Variants in EDIL3 observed in about 807,000 individuals in gnomAD.
The protein encoded by EDIL3 is EGF like and discoidin domains 3.
In EDIL3, 37 loss-of-function variants were observed where a neutral mutation model predicts 67.4. That is an observed-to-expected ratio of 0.55 (90% CI 0.42 to 0.72). The LOEUF (loss-of-function observed/expected upper bound fraction) is 0.72, where lower values mean the gene tolerates loss of function less well. Ranked by LOEUF, EDIL3 falls within the 30% of genes least tolerant of loss-of-function variation. The pLI is 0.00. For synonymous variants in EDIL3, 195 were observed against 196.3 expected (o/e 0.99, Z 0.05); for missense variants, 527 against 586.3 (o/e 0.90, Z 1.04).
intron 6 of EDIL3, among the ~76,000 whole-genome samples, chr5:84,082,109 T>C (rs902523336): frequency 8.5e-5 from 13 of 152,262 alleles, no homozygotes; most frequent in African/African-American, 3.1e-4. Flanking sequence ...TTATGGCCCC[T>C]GATTTTTCTT....
At chr5:84,100,893 T>C (rs2112277473) in intron 6 of EDIL3, among the ~76,000 whole-genome samples, 1 of 152,214 alleles carries the variant, frequency 6.6e-6, no homozygotes, top group African/African-American at 2.4e-5. Context: ...AATTGTTAAA[T>C]ATATTATTAC....
rs374194490 is a variant in EDIL3, at chr5:84,303,848, G to T, written c.68-49636C>A. 8.9e-3 allele frequency among the ~76,000 whole-genome samples: 1,100 copies of T among 123,532 alleles called. 4 individuals carry two copies. Among genetic ancestry groups the T allele is most frequent in the Non-Finnish European group, 0.014 (781 of 56,160 alleles). The allele number at this position is 123,532 out of a possible 152,430, so 81.0% of individuals were successfully genotyped here. A position where few individuals can be genotyped will look rare whatever the true frequency, so the allele number is the denominator to read the frequency against. The stretch of plus-strand genomic sequence containing the variant: ...TGTGTGTGTGTGTGTGTGTGTGTGT[G>T]TTTGTGTGTGTGTGTGTGTGCATGC... On this transcript the variant is annotated intron_variant, in intron 1 of 10. Transcript: ENST00000296591.
At chr5:84,117,020 A>ACTTT in intron 5 of EDIL3, among the ~76,000 whole-genome samples, 1 of 83,236 alleles carries the variant, frequency 1.2e-5, no homozygotes, top group East Asian at 4.3e-4. Flanking sequence ...TTAAGTACTT[A>ACTTT]TTTTTTTTTT....
chr5:84,262,238 C>A (rs1002784552), intron 1 of EDIL3, among the ~76,000 whole-genome samples: 3 of 152,238 alleles, frequency 2.0e-5, no homozygotes, highest in African/African-American at 7.2e-5. Flanking sequence ...AAATCAGAAT[C>A]TCTGGGGATG....
intron 9 of EDIL3, among the ~76,000 whole-genome samples, chr5:84,047,394 A>G (rs2112220338): frequency 6.6e-6 from 1 of 152,278 alleles, no homozygotes; most frequent in East Asian, 1.9e-4. Flanking sequence ...TAAATGACTC[A>G]AAATTAGAAG....
intron 1 of EDIL3, among the ~76,000 whole-genome samples, chr5:84,290,414 T>C (rs1745890966): frequency 6.6e-6 from 1 of 152,166 alleles, no homozygotes; most frequent in South Asian, 2.1e-4. Context: ...GGAAATTCCA[T>C]CTAGACATAC....
chr5:83,979,953 GT>G (rs937100454), intron 9 of EDIL3, among the ~76,000 whole-genome samples: 1 of 152,104 alleles, frequency 6.6e-6, no homozygotes. Context: ...TGACATCAAT[GT>G]CTTGTAGGGC....
At chr5:84,081,374 C>T (rs1046003851) in intron 6 of EDIL3, among the ~76,000 whole-genome samples, 23 of 151,870 alleles carry the variant, frequency 1.5e-4, no homozygotes, top group African/African-American at 5.3e-4. Context: ...AAGGTAGTCT[C>T]GAACTCTTGT....
At position 84,129,496 on chromosome 5, in the gene EDIL3, G is replaced by C. The variant is rs149238876; in HGVS notation, c.469+7745C>G. 1.5e-3 allele frequency among the ~76,000 whole-genome samples: 230 copies of C among 151,914 alleles called. 6 individuals carry two copies. In the East Asian group the frequency reaches 0.035, roughly 23 times the overall value. On this transcript the variant is annotated intron_variant, in intron 5 of 10. Coordinates refer to ENST00000296591, the MANE Select transcript of EDIL3 (RefSeq NM_005711.5). Reference sequence around the variant, plus strand: ...TATTTATTTTTAATGTTCACAAAAGGTATCAGCCTGAGGCAAACTGTCCTT... The same window carrying C: ...TATTTATTTTTAATGTTCACAAAAGCTATCAGCCTGAGGCAAACTGTCCTT...
intron 1 of EDIL3, among the ~76,000 whole-genome samples, chr5:84,289,565 A>G (rs905600520): frequency 6.6e-6 from 1 of 152,058 alleles, no homozygotes; most frequent in South Asian, 2.1e-4. Flanking sequence ...TCTGTCCCCA[A>G]TTCCTCACCT....
chr5:84,347,974 A>G (rs756599113), intron 1 of EDIL3, among the ~76,000 whole-genome samples: 5 of 152,154 alleles, frequency 3.3e-5, no homozygotes, highest in Non-Finnish European at 7.3e-5. Flanking sequence ...TTTCCCCAGT[A>G]ATAGACCAGA....
intron 1 of EDIL3, among the ~76,000 whole-genome samples, chr5:84,311,474 G>C (rs1245164558): frequency 2.6e-5 from 4 of 151,976 alleles, no homozygotes; most frequent in African/African-American, 9.7e-5. Flanking sequence ...AGGGGGCTGG[G>C]ATGGAGAAGG....
At chr5:84,098,945 C>G (rs1747313530) in intron 6 of EDIL3, among the ~76,000 whole-genome samples, 1 of 152,016 alleles carries the variant, frequency 6.6e-6, no homozygotes. Flanking sequence ...AAAAGCCATT[C>G]AAAAGATCAA....
At chr5:84,039,193 CTG>C (rs1359608980) in intron 9 of EDIL3, among the ~76,000 whole-genome samples, 1 of 151,836 alleles carries the variant, frequency 6.6e-6, no homozygotes, top group African/African-American at 2.4e-5. Flanking sequence ...TTTCTACAAA[CTG>C]TAGACAAAAG....
At chr5:84,361,109 A>T (rs1200502017) in intron 1 of EDIL3, among the ~76,000 whole-genome samples, 2 of 151,902 alleles carry the variant, frequency 1.3e-5, no homozygotes, top group Middle Eastern at 3.2e-3. Flanking sequence ...GAGCGTTAAT[A>T]AAAAAAAGAC....
chr5:84,014,018 T>C (rs1244313284), intron 9 of EDIL3, among the ~76,000 whole-genome samples: 2 of 152,194 alleles, frequency 1.3e-5, no homozygotes, highest in Non-Finnish European at 1.5e-5. Context: ...TGTTTGACTT[T>C]CCAAGCTTCA....
chr5:84,380,794 T>C (rs1748059989), intron 1 of EDIL3, among the ~76,000 whole-genome samples: 1 of 152,084 alleles, frequency 6.6e-6, no homozygotes, highest in African/African-American at 2.4e-5. Context: ...CTCTAAAAAC[T>C]GTCAAGCTTT....
intron 10 of EDIL3, among the ~76,000 whole-genome samples, chr5:83,955,106 G>A (rs1744491688): frequency 6.6e-6 from 1 of 151,694 alleles, no homozygotes; most frequent in South Asian, 2.1e-4. Context: ...AAAAGCATGA[G>A]TAACTTTTTT....
chr5:84,351,207 T>G (rs1250890529), intron 1 of EDIL3, among the ~76,000 whole-genome samples: 4 of 152,310 alleles, frequency 2.6e-5, no homozygotes, highest in African/African-American at 4.8e-5. Flanking sequence ...TTATTAGTGC[T>G]GTTTGCACAT....
Sources: gnomAD v4.1 joint callset for allele counts (sites outside exome capture counted in the v4.1 genomes callset) on GRCh38, gnomAD v4.1.1 for gene constraint, MANE v1.5 for transcripts, NCBI Gene and HGNC (gene_info 2026-07-23, HGNC 2026-07-21) for gene names.